LRGUK: variants seen among roughly 807,000 people sequenced by gnomAD.
LRGUK encodes leucine rich repeats and guanylate kinase domain containing.
Under a neutral mutation model 76.0 loss-of-function variants are expected in LRGUK, and 65 were observed. The observed-to-expected ratio is 0.85, with a 90% confidence interval of 0.70 to 1.05. LRGUK has a LOEUF of 1.05. LRGUK is among the 50% of genes least tolerant of loss of function. The pLI is 0.00. For synonymous variants in LRGUK, 268 were observed against 265.6 expected (o/e 1.01, Z -0.09); for missense variants, 758 against 732.8 (o/e 1.03, Z -0.40).
At position 134,209,190 on chromosome 7, in the gene LRGUK, CA is replaced by C. The variant is rs1226857831; in HGVS notation, c.2328del (p.Glu778ArgfsTer4). On this transcript the variant is annotated frameshift_variant, in exon 16 of 16. Coordinates refer to ENST00000645682, the Ensembl canonical transcript of LRGUK. LOFTEE classifies it low-confidence loss of function (END_TRUNC). Reference sequence around the variant, plus strand: ...CCTCAGCCAGGCCAGGACAAGGAGTCAGGGGAGGCCCAGGTAACCCCTACTG... The same window carrying C: ...CCTCAGCCAGGCCAGGACAAGGAGTCGGGGAGGCCCAGGTAACCCCTACTG... The C allele has an allele frequency of 2.5e-6, 1 of 399,128 alleles. No individual in the cohort carries two copies. Among genetic ancestry groups the C allele is most frequent in the Non-Finnish European group, 4.4e-6 (1 of 226,344 alleles). The allele number at this position is 399,128 out of a possible 1,614,324, so 24.7% of individuals were successfully genotyped here.
exon 12 of LRGUK, chr7:134,191,658 C>T (rs779419882): frequency 6.2e-7 from 1 of 1,605,540 alleles, no homozygotes; most frequent in East Asian, 2.2e-5. Flanking sequence ...ATTTCAGGGC[C>T]TGTCATACCA....
intron 18 of LRGUK, among the ~76,000 whole-genome samples, chr7:134,257,794 ACT>A (rs975228539): frequency 6.7e-6 from 1 of 150,336 alleles, no homozygotes; most frequent in African/African-American, 2.4e-5. Flanking sequence ...ACAGAATAAG[ACT>A]CTGTCTCCAA....
At chr7:134,259,329 G>A (rs987483001) in intron 19 of LRGUK, among the ~76,000 whole-genome samples, 1 of 152,182 alleles carries the variant, frequency 6.6e-6, no homozygotes, top group African/African-American at 2.4e-5. Context: ...ATGGGAATGG[G>A]AGAGAATAAT....
intron 15 of LRGUK, among the ~76,000 whole-genome samples, chr7:134,217,311 T>G (rs188117004): frequency 2.0e-4 from 31 of 152,290 alleles, no homozygotes; most frequent in African/African-American, 7.2e-4. Flanking sequence ...GTACTTTATT[T>G]GCTCTTATGA....
chr7:134,142,084 C>T (rs138056095), intron 3 of LRGUK, among the ~76,000 whole-genome samples: 2 of 152,272 alleles, frequency 1.3e-5, no homozygotes, highest in African/African-American at 4.8e-5. Flanking sequence ...GTCTGTGCCA[C>T]TTGGAGAAAG....
chr7:134,263,992 T>C, exon 20 of LRGUK: 1 of 1,595,492 alleles, frequency 6.3e-7, no homozygotes, highest in Non-Finnish European at 8.5e-7. Context: ...ACTTGATGTC[T>C]GATCCTAACA....
chr7:134,223,885 G>T (rs1054860309), intron 16 of LRGUK, among the ~76,000 whole-genome samples: 1 of 152,124 alleles, frequency 6.6e-6, no homozygotes, highest in African/African-American at 2.4e-5. Context: ...GCCTCCCAAA[G>T]TGCTGGAATT....
At chr7:134,177,362 A>G (rs372657852) in intron 9 of LRGUK, among the ~76,000 whole-genome samples, 1 of 152,224 alleles carries the variant, frequency 6.6e-6, no homozygotes, top group Non-Finnish European at 1.5e-5. Flanking sequence ...ATGGCAGACT[A>G]TCAGTTTGAA....
intron 16 of LRGUK, among the ~76,000 whole-genome samples, chr7:134,242,857 G>T (rs1200712904): frequency 1.3e-5 from 2 of 152,080 alleles, no homozygotes; most frequent in African/African-American, 2.4e-5. Flanking sequence ...TATCCACCAC[G>T]ATCAAGTTGG....
chr7:134,235,854 G>T (rs984176618), intron 16 of LRGUK, among the ~76,000 whole-genome samples: 4 of 152,270 alleles, frequency 2.6e-5, no homozygotes, highest in Non-Finnish European at 5.9e-5. Flanking sequence ...TTATTGAAAA[G>T]ATTAAAGGGG....
chr7:134,163,174 A>T (rs1459677254), intron 6 of LRGUK, among the ~76,000 whole-genome samples: 1 of 152,116 alleles, frequency 6.6e-6, no homozygotes, highest in Admixed American at 6.6e-5. Context: ...TTTAATGAAA[A>T]TATTATATTC....
chr7:134,199,990 A>ATT (rs1361390424), intron 14 of LRGUK, among the ~76,000 whole-genome samples: 8 of 99,310 alleles, frequency 8.1e-5, no homozygotes, highest in African/African-American at 2.9e-4. Flanking sequence ...TTTTATATAT[A>ATT]TATATATATA....
chr7:134,256,466 A>G (rs894846699), intron 18 of LRGUK, among the ~76,000 whole-genome samples: 1 of 151,724 alleles, frequency 6.6e-6, no homozygotes, highest in African/African-American at 2.4e-5. Flanking sequence ...TCTCAAAAAA[A>G]AAAAAAAAAA....
chr7:134,223,614 C>T (rs76286744), intron 16 of LRGUK, among the ~76,000 whole-genome samples: 6,120 of 152,172 alleles, frequency 0.04, 261 homozygotes, highest in East Asian at 0.15. Flanking sequence ...GGATTAAGTT[C>T]AAGAATCCCG....
In LRGUK at chr7:134,221,929, A is replaced by G; in HGVS notation, c.1983+11A>G. Reference sequence around the variant, plus strand: ...AAAAAAACACCAGCGGTAAGAGAGGAATAGAAGGGGTGAAGCCACAACTGA... The same window carrying G: ...AAAAAAACACCAGCGGTAAGAGAGGGATAGAAGGGGTGAAGCCACAACTGA... On this transcript the variant is annotated intron_variant, in intron 16 of 19. Coordinates refer to the LRGUK transcript ENST00000285928. 1 of 1,581,992 alleles carries G rather than the reference A, an allele frequency of 6.3e-7. No individual in the cohort carries two copies. The highest frequency in any genetic ancestry group is 8.6e-7 in the Non-Finnish European group (1 of 1,168,172).
chr7:134,258,464 G>A lies in LRGUK; in HGVS notation c.2347+59G>A, dbSNP rs537511906. On this transcript the variant is annotated intron_variant, in intron 19 of 19. Transcript: ENST00000285928. The stretch of plus-strand genomic sequence containing the variant: ...TGTAATCCCAGCACTTTGGGAGGCC[G>A]AGGCGAATGGATCTCCTGACGTCAG... 62 of 1,477,934 alleles carry A rather than the reference G, an allele frequency of 4.2e-5. No individual in the cohort carries two copies. In the Middle Eastern group the frequency reaches 5.8e-4, roughly 14 times the overall value. 91.6% of individuals were successfully genotyped at this position (1,477,934 alleles called of 1,614,324 possible). A position where few individuals can be genotyped will look rare whatever the true frequency, so the allele number is the denominator to read the frequency against.
chr7:134,253,021 C>A (rs1802485445), intron 18 of LRGUK, among the ~76,000 whole-genome samples: 1 of 152,174 alleles, frequency 6.6e-6, no homozygotes, highest in African/African-American at 2.4e-5. Flanking sequence ...ATTGCATCAG[C>A]CTTTCCTATT....
intron 16 of LRGUK, among the ~76,000 whole-genome samples, chr7:134,241,380 A>T (rs954054774): frequency 6.6e-6 from 1 of 152,192 alleles, no homozygotes; most frequent in Non-Finnish European, 1.5e-5. Context: ...AATGGAAAAC[A>T]GAAAAAAAAG....
chr7:134,217,605 T>C (rs900376861), intron 15 of LRGUK, among the ~76,000 whole-genome samples: 12 of 152,280 alleles, frequency 7.9e-5, no homozygotes, highest in Admixed American at 7.2e-4. Context: ...ATTCTTTTCT[T>C]AGAAGCACAG....
Sources: gnomAD v4.1 joint callset for allele counts (sites outside exome capture counted in the v4.1 genomes callset) on GRCh38, gnomAD v4.1.1 for gene constraint, MANE v1.5 for transcripts, NCBI Gene and HGNC (gene_info 2026-07-23, HGNC 2026-07-21) for gene names.